The following ENTREP2 variants were observed in gnomAD, a reference collection of about 807,000 sequenced individuals.
ENTREP2 encodes the protein endosomal transmembrane epsin interactor 2.
At chr15:29,206,240 A>AACATT in the ENTREP2 span, among the ~76,000 whole-genome samples, 2 of 152,180 alleles carry the variant, frequency 1.3e-5, no homozygotes, top group African/African-American at 2.4e-5. Context: ...ACCTGGCAGA[A>AACATT]GAGACAAGGC....
chr15:29,637,288 G>A, the ENTREP2 span, among the ~76,000 whole-genome samples: 7 of 152,196 alleles, frequency 4.6e-5, no homozygotes, highest in Admixed American at 3.9e-4. Context: ...GTAGGGGGTG[G>A]CAATGACCAC....
chr15:29,525,181 G>T, the ENTREP2 span, among the ~76,000 whole-genome samples: 1 of 152,158 alleles, frequency 6.6e-6, no homozygotes, highest in Admixed American at 6.5e-5. Flanking sequence ...AGACACTTTA[G>T]AAAACAATTT....
At chr15:29,486,275 C>T in the ENTREP2 span, among the ~76,000 whole-genome samples, 1 of 152,026 alleles carries the variant, frequency 6.6e-6, no homozygotes, top group Admixed American at 6.5e-5. Flanking sequence ...AAAGACATCA[C>T]ACCAAGTGAA....
chr15:29,278,724 C>T, the ENTREP2 span, among the ~76,000 whole-genome samples: 7 of 152,192 alleles, frequency 4.6e-5, no homozygotes, highest in Non-Finnish European at 8.8e-5. Context: ...CACTGGATAT[C>T]CTTGGCCTCT....
At chr15:29,649,838 G>C in the ENTREP2 span, among the ~76,000 whole-genome samples, 2 of 151,796 alleles carry the variant, frequency 1.3e-5, no homozygotes, top group African/African-American at 4.8e-5. Context: ...AATGGAGCAA[G>C]GATGGCCTCT....
chr15:29,140,155 T>C, the ENTREP2 span, among the ~76,000 whole-genome samples: 2 of 152,204 alleles, frequency 1.3e-5, no homozygotes, highest in African/African-American at 4.8e-5. Context: ...TCCTTCAGCC[T>C]TCCACACCCA....
At chr15:29,609,657 CTAAT>C in the ENTREP2 span, 46 of 150,040 alleles carry the variant, frequency 3.1e-4, 1 homozygote, top group Admixed American at 1.8e-3. Flanking sequence ...CCAATTATTA[CTAAT>C]TAATACTCAA....
the ENTREP2 span, among the ~76,000 whole-genome samples, chr15:29,662,027 A>G: frequency 2.0e-5 from 3 of 152,056 alleles, no homozygotes; most frequent in Non-Finnish European, 4.4e-5. Context: ...CCTGGGCAAC[A>G]TGGGGAAACC....
chr15:29,447,917 T>A, the ENTREP2 span, among the ~76,000 whole-genome samples: 1 of 151,770 alleles, frequency 6.6e-6, no homozygotes, highest in Non-Finnish European at 1.5e-5. Context: ...ACAAAAAAAA[T>A]TAGCTGGGCG....
the ENTREP2 span, among the ~76,000 whole-genome samples, chr15:29,560,626 C>G: frequency 4.6e-5 from 7 of 152,002 alleles, no homozygotes; most frequent in Non-Finnish European, 1.0e-4. Context: ...CTGTTTTGGG[C>G]GGCCCTGAGG....
chr15:29,337,020 G>A, the ENTREP2 span, among the ~76,000 whole-genome samples: 1 of 152,196 alleles, frequency 6.6e-6, no homozygotes, highest in Admixed American at 6.5e-5. Flanking sequence ...CAGAATTCTA[G>A]GTCTCAGGCT....
chr15:29,153,611 G>C, the ENTREP2 span, among the ~76,000 whole-genome samples: 1 of 152,080 alleles, frequency 6.6e-6, no homozygotes, highest in African/African-American at 2.4e-5. Flanking sequence ...GAATTTTGGA[G>C]GGACACAAGC....
At chr15:29,377,785 C>T in the ENTREP2 span, among the ~76,000 whole-genome samples, 2 of 149,512 alleles carry the variant, frequency 1.3e-5, no homozygotes, top group Non-Finnish European at 3.0e-5. Flanking sequence ...CGTACCATTG[C>T]CCTCCAGCCT....
At chr15:29,303,906 A>G in the ENTREP2 span, among the ~76,000 whole-genome samples, 1 of 151,844 alleles carries the variant, frequency 6.6e-6, no homozygotes, top group African/African-American at 2.4e-5. Flanking sequence ...TTTGAGATGG[A>G]GTCTCACTCT....
chr15:29,402,845 G>A, the ENTREP2 span, among the ~76,000 whole-genome samples: 4 of 152,162 alleles, frequency 2.6e-5, no homozygotes, highest in Non-Finnish European at 5.9e-5. Context: ...CAGAGAAAAC[G>A]CACTATTAAA....
chr15:29,149,904 G>A, the ENTREP2 span, among the ~76,000 whole-genome samples: 4 of 152,320 alleles, frequency 2.6e-5, no homozygotes, highest in East Asian at 7.7e-4. Flanking sequence ...CCAAGCCAGG[G>A]TGTGAGGCAA....
chr15:29,404,433 C>T, the ENTREP2 span, among the ~76,000 whole-genome samples: 1 of 152,082 alleles, frequency 6.6e-6, no homozygotes, highest in Non-Finnish European at 1.5e-5. Context: ...ACAGGCAGAA[C>T]TCCCCTGTCT....
chr15:29,206,224 GTCCT>G, the ENTREP2 span, among the ~76,000 whole-genome samples: 2 of 152,136 alleles, frequency 1.3e-5, no homozygotes, highest in African/African-American at 2.4e-5. Flanking sequence ...GGATCACTGT[GTCCT>G]CACCTGGCAG....
chr15:29,172,248 T>G, the ENTREP2 span, among the ~76,000 whole-genome samples: 5 of 152,314 alleles, frequency 3.3e-5, no homozygotes, highest in South Asian at 1.0e-3. Flanking sequence ...CAATTCCAGT[T>G]CCATCGTGAT....
Sources: allele counts gnomAD v4.1 joint callset (sites outside exome capture counted in the v4.1 genomes callset), GRCh38; gene constraint gnomAD v4.1.1; transcripts MANE v1.5; gene names NCBI Gene and HGNC (gene_info 2026-07-23, HGNC 2026-07-21).